The following GNG4 variants were observed in gnomAD, a reference collection of about 807,000 sequenced individuals.
GNG4 encodes G protein subunit gamma 4.
Under a neutral mutation model 5.8 loss-of-function variants are expected in GNG4, and 4 were observed. The ratio of observed to expected loss-of-function variants is 0.69; its 90% CI spans 0.34 to 1.57. The LOEUF (loss-of-function observed/expected upper bound fraction) is 1.57. Ranked by LOEUF, GNG4 falls within the 40% of genes most tolerant of loss-of-function variation. GNG4 has a pLI of 0.06. For missense variants in GNG4, 96 were observed against 95.1 expected (o/e 1.01, Z -0.04); for synonymous variants, 29 against 32.9 (o/e 0.88, Z 0.41).
At chr1:235,563,384 C>A (rs954121223) in intron 3 of GNG4, among the ~76,000 whole-genome samples, 43 of 94,874 alleles carry the variant, frequency 4.5e-4, no homozygotes, top group Non-Finnish European at 7.1e-4. Context: ...CCAGCCTGGA[C>A]AACAGAGTGA....
intron 1 of GNG4, among the ~76,000 whole-genome samples, chr1:235,601,370 G>A (rs1688255226): frequency 6.6e-6 from 1 of 152,192 alleles, no homozygotes; most frequent in Admixed American, 6.5e-5. Context: ...GCCATGGACT[G>A]CTGGAATCAC....
intron 1 of GNG4, among the ~76,000 whole-genome samples, chr1:235,638,122 G>C (rs767494518): frequency 2.0e-4 from 30 of 152,336 alleles, no homozygotes; most frequent in Non-Finnish European, 4.0e-4. Flanking sequence ...ACCCCTTCCA[G>C]GCGGGAGGAA....
chr1:235,625,860 C>T (rs1443847871), intron 1 of GNG4, among the ~76,000 whole-genome samples: 1 of 152,142 alleles, frequency 6.6e-6, no homozygotes, highest in East Asian at 1.9e-4. Flanking sequence ...TGGTTGCTTC[C>T]GAGTTTGGGC....
chr1:235,585,616 T>C (rs796178609), intron 2 of GNG4, among the ~76,000 whole-genome samples: 56 of 152,328 alleles, frequency 3.7e-4, no homozygotes, highest in African/African-American at 1.1e-3. Context: ...AAGATCATAC[T>C]CATTCTTTCT....
chr1:235,641,528 T>G (rs1000837189), intron 1 of GNG4, among the ~76,000 whole-genome samples: 9 of 152,076 alleles, frequency 5.9e-5, no homozygotes, highest in Non-Finnish European at 1.0e-4. Flanking sequence ...CTGTCTCTAC[T>G]AAAAATACAA....
intron 2 of GNG4, among the ~76,000 whole-genome samples, chr1:235,586,699 C>CT (rs1450412981): frequency 6.6e-6 from 1 of 152,156 alleles, no homozygotes; most frequent in African/African-American, 2.4e-5. Flanking sequence ...TTCCTGCTGT[C>CT]TCTCTTGCTC....
chr1:235,648,016 G>A lies in GNG4; in HGVS notation c.-123+1646C>T, dbSNP rs1464344083. Among the ~76,000 whole-genome samples the A allele has an allele frequency of 1.3e-5, 2 of 151,382 alleles. No homozygotes were observed. The highest frequency in any genetic ancestry group is 2.9e-5 in the Non-Finnish European group (2 of 68,016). On this transcript the variant is annotated intron_variant, in intron 1 of 3. Coordinates refer to ENST00000391854, the MANE Select transcript of GNG4 (RefSeq NM_001098722.2). This position sits in a 1 kb window ranked among gnomAD's most constrained non-coding sequence, Gnocchi z 5.0. ...CTTTAAAAACTGTAAAGTGAATCTA[G>A]GAAAAGCTTTTTTTTTTTCTGGTTT...
chr1:235,592,509 CTAAATAAA>C (rs555098203), intron 2 of GNG4, among the ~76,000 whole-genome samples: 3 of 152,038 alleles, frequency 2.0e-5, no homozygotes, highest in African/African-American at 7.2e-5. Context: ...ACTCTTATCT[CTAAATAAA>C]TAAATAAATT....
intron 2 of GNG4, among the ~76,000 whole-genome samples, chr1:235,590,179 G>C (rs933927467): frequency 2.0e-5 from 3 of 152,088 alleles, no homozygotes; most frequent in African/African-American, 7.2e-5. Context: ...GAGAGGCTGG[G>C]TGTGGTGGCT....
At position 235,599,076 on chromosome 1, in the gene GNG4, T is replaced by C. The variant is rs371713853; in HGVS notation, c.-122-3565A>G. Among the ~76,000 whole-genome samples, 4 of 152,230 alleles carry C rather than the reference T, an allele frequency of 2.6e-5. No homozygotes were observed. In the East Asian group the frequency reaches 5.8e-4, roughly 22 times the overall value. ...CCGCGTTTGAGACACACTGCTCAAG[T>C]CTGCATCTAGCTGGAGCATCCCACA... On this transcript the variant is annotated intron_variant, in intron 1 of 3. Transcript: ENST00000391854.
chr1:235,601,659 C>T (rs1688260628), intron 1 of GNG4, among the ~76,000 whole-genome samples: 1 of 152,172 alleles, frequency 6.6e-6, no homozygotes, highest in African/African-American at 2.4e-5. Context: ...GGGCAGGTGG[C>T]CCCTGGATAG....
At chr1:235,646,495 A>G (rs1217154943) in intron 1 of GNG4, among the ~76,000 whole-genome samples, 2 of 152,140 alleles carry the variant, frequency 1.3e-5, no homozygotes, top group African/African-American at 4.8e-5. Context: ...GTCTAGCCCA[A>G]TCATTGCCCT....
intron 2 of GNG4, among the ~76,000 whole-genome samples, chr1:235,593,678 T>C (rs935899433): frequency 3.9e-5 from 6 of 152,100 alleles, no homozygotes; most frequent in African/African-American, 1.4e-4. Context: ...TTCTGGTGGG[T>C]TCATGGTCTC....
In GNG4 at chr1:235,549,159, C is replaced by T. The variant is rs1686670936; in HGVS notation, c.*2950G>A. 6.5e-6 allele frequency: 1 copy of T among 153,050 alleles called. No homozygotes were observed. Among genetic ancestry groups the T allele is most frequent in the African/African-American group, 2.4e-5 (1 of 41,458 alleles). The allele number at this position is 153,050 out of a possible 1,614,324, so 9.5% of individuals were successfully genotyped here. A position where few individuals can be genotyped will look rare whatever the true frequency, so the allele number is the denominator to read the frequency against. ...AGTGAGCCAAGATTGCGCTACTGCA[C>T]TCCAGCCTGGACGACAGAAAGAGAC... On this transcript the variant is annotated 3_prime_UTR_variant, in exon 4 of 4. Transcript: ENST00000391854.
chr1:235,592,432 C>T (rs572282239), intron 2 of GNG4, among the ~76,000 whole-genome samples: 58 of 152,262 alleles, frequency 3.8e-4, no homozygotes, highest in Admixed American at 1.9e-3. Flanking sequence ...TTGCTTGAAC[C>T]TGTGAGGCAC....
At chr1:235,646,905 A>G (rs1657525059) in intron 1 of GNG4, among the ~76,000 whole-genome samples, 1 of 152,184 alleles carries the variant, frequency 6.6e-6, no homozygotes, top group Non-Finnish European at 1.5e-5. Flanking sequence ...TCTAGCCCCT[A>G]TTTCTTAACA....
At chr1:235,612,262 G>A (rs1688494172) in intron 1 of GNG4, among the ~76,000 whole-genome samples, 1 of 152,164 alleles carries the variant, frequency 6.6e-6, no homozygotes, top group South Asian at 2.1e-4. Context: ...AGAAGGATGG[G>A]GACAGAGGCC....
chr1:235,559,475 G>A (rs1445765472), intron 3 of GNG4, among the ~76,000 whole-genome samples: 1 of 151,948 alleles, frequency 6.6e-6, no homozygotes, highest in East Asian at 1.9e-4. Flanking sequence ...CCACACACCA[G>A]TTCCTAAGGG....
At chr1:235,640,314 T>C (rs1294473462) in intron 1 of GNG4, among the ~76,000 whole-genome samples, 1 of 152,068 alleles carries the variant, frequency 6.6e-6, no homozygotes, top group Non-Finnish European at 1.5e-5. Flanking sequence ...AATCATTTGG[T>C]TCAATGCATC....
Sources: allele counts gnomAD v4.1 joint callset (sites outside exome capture counted in the v4.1 genomes callset), GRCh38; gene constraint gnomAD v4.1.1; non-coding constraint Gnocchi (gnomAD v3.1); transcripts MANE v1.5; gene names NCBI Gene and HGNC (gene_info 2026-07-23, HGNC 2026-07-21).